DRAXIN: variants seen among roughly 807,000 people sequenced by gnomAD.
DRAXIN encodes dorsal inhibitory axon guidance protein.
DRAXIN carries 27 observed loss-of-function variants against 33.9 expected under a neutral mutation model. The observed-to-expected ratio is 0.80, with a 90% CI of 0.59 to 1.10. DRAXIN has a LOEUF of 1.10. Among genes scored for constraint, DRAXIN ranks in the 50% least tolerant of loss-of-function variants. The pLI, the probability that DRAXIN is intolerant of heterozygous loss-of-function variation, is 0.00. For missense variants in DRAXIN, 371 were observed against 460.8 expected (o/e 0.81, Z 1.78); for synonymous variants, 178 against 194.0 (o/e 0.92, Z 0.69).
Position 11,706,180 on chromosome 1 carries a change from A to T in DRAXIN, c.-10-69A>T. 1 of 1,381,836 alleles carries T rather than the reference A, an allele frequency of 7.2e-7. No individual in the cohort carries two copies. Among genetic ancestry groups the T allele is most frequent in the Non-Finnish European group, 9.6e-7 (1 of 1,039,330 alleles). 85.6% of individuals were successfully genotyped at this position (1,381,836 alleles called of 1,614,324 possible). ...TGGCTGTTGAGAAAAACTGGGCTTT[A>T]ATCATTTGAGTGAGGGGCAGCAGAG... On this transcript the variant is annotated intron_variant, in intron 1 of 6. Transcript: ENST00000294485. This position sits in a 1 kb window ranked among gnomAD's most constrained non-coding sequence, Gnocchi z 5.5.
chr1:11,722,830 T>C lies in DRAXIN; in HGVS notation c.*3134T>C, dbSNP rs1358425314. ...TCACAAAATATTATTCTCTCTTTCC[T>C]TTTTTTTTTTTTTGGAGATGGAGTT... On this transcript the variant is annotated 3_prime_UTR_variant, in exon 7 of 7. Coordinates refer to ENST00000294485, the MANE Select transcript of DRAXIN (RefSeq NM_198545.4). 2 of 150,192 alleles carry C rather than the reference T, an allele frequency of 1.3e-5. No homozygotes were observed. Among genetic ancestry groups the C allele is most frequent in the Non-Finnish European group, 3.0e-5 (2 of 67,296 alleles). The allele number at this position is 150,192 out of a possible 1,614,324, so 9.3% of individuals were successfully genotyped here. A position where few individuals can be genotyped will look rare whatever the true frequency, so the allele number is the denominator to read the frequency against.
In DRAXIN at chr1:11,699,902, G is replaced by A. The variant is rs892281643; in HGVS notation, c.-10-6347G>A. Among the ~76,000 whole-genome samples the A allele has an allele frequency of 1.2e-4, 18 of 151,412 alleles. No individual in the cohort carries two copies. In the Admixed American group the frequency reaches 1.2e-3, roughly 10 times the overall value. ...AGATGGCGCCACTGCACTCCAGCCC[G>A]GGTGACACAGCGAGACTCACTCTCA... On this transcript the variant is annotated intron_variant, in intron 1 of 6. Coordinates refer to ENST00000294485, the MANE Select transcript of DRAXIN (RefSeq NM_198545.4).
At chr1:11,693,968 T>TG (rs1641150250) in intron 1 of DRAXIN, among the ~76,000 whole-genome samples, 1 of 152,164 alleles carries the variant, frequency 6.6e-6, no homozygotes, top group Non-Finnish European at 1.5e-5. Flanking sequence ...ACTGACCATC[T>TG]CCACAGTCTG....
chr1:11,703,157 C>A (rs1052511368), intron 1 of DRAXIN, among the ~76,000 whole-genome samples: 1 of 152,254 alleles, frequency 6.6e-6, no homozygotes, highest in African/African-American at 2.4e-5. Context: ...GTGCAGAGTC[C>A]TTTATGAGCT....
At chr1:11,689,819 A>C (rs1328141939), upstream of DRAXIN, among the ~76,000 whole-genome samples, 4 of 151,954 alleles carry the variant, frequency 2.6e-5, no homozygotes, top group African/African-American at 9.7e-5. Flanking sequence ...CCCTCTCCTG[A>C]GGTCTGGGTC....
intron 5 of DRAXIN, among the ~76,000 whole-genome samples, chr1:11,713,735 T>A (rs1641533275): frequency 6.6e-6 from 1 of 152,000 alleles, no homozygotes; most frequent in South Asian, 2.1e-4. Flanking sequence ...AAAATAGTAA[T>A]AATTTAAAAA....
chr1:11,705,435 C>T lies in DRAXIN; in HGVS notation c.-10-814C>T, dbSNP rs2100736172. 6.6e-6 allele frequency among the ~76,000 whole-genome samples: 1 copy of T among 152,210 alleles called. No individual in the cohort carries two copies. The highest frequency in any genetic ancestry group is 2.4e-5 in the African/African-American group (1 of 41,530). On this transcript the variant is annotated intron_variant, in intron 1 of 6. Coordinates refer to ENST00000294485, the MANE Select transcript of DRAXIN (RefSeq NM_198545.4). The surrounding 1 kb of genome is among the most constrained non-coding windows in gnomAD (Gnocchi z 4.8). ...GCTAGGTCGGGTTGGCTCAGTCTACCCTGCAGGGGTCAGAGCCAAGTCTGC... is the reference window on the plus strand; with the variant it reads ...GCTAGGTCGGGTTGGCTCAGTCTACTCTGCAGGGGTCAGAGCCAAGTCTGC...
intron 3 of DRAXIN, among the ~76,000 whole-genome samples, chr1:11,709,987 C>A (rs909409101): frequency 2.0e-5 from 3 of 151,924 alleles, no homozygotes; most frequent in Non-Finnish European, 4.4e-5. Flanking sequence ...GAGTTCGAGA[C>A]CAGCCTGGCC....
In DRAXIN at chr1:11,709,500, G is replaced by T. The variant is rs745601625; in HGVS notation, c.642+35G>T. On this transcript the variant is annotated intron_variant, in intron 3 of 6. Coordinates refer to ENST00000294485, the MANE Select transcript of DRAXIN (RefSeq NM_198545.4). Reference sequence around the variant, plus strand: ...CCCCAAACAGCCTCGGATCTGGAAGGGTCCTTGAGCCCATGTCATGGAAAG... The same window carrying T: ...CCCCAAACAGCCTCGGATCTGGAAGTGTCCTTGAGCCCATGTCATGGAAAG... 24 of 1,588,278 alleles carry T rather than the reference G, an allele frequency of 1.5e-5. No homozygotes were observed. The African/African-American group carries it at 3.0e-4, about 20-fold the overall frequency.
chr1:11,715,054 G>C (rs1166749329), intron 5 of DRAXIN, 65 bp from the exon 6 acceptor site: 4 of 1,573,636 alleles, frequency 2.5e-6, no homozygotes, highest in African/African-American at 2.7e-5. Flanking sequence ...CAGTGGGACC[G>C]AGTGCAGGGC....
At chr1:11,700,836 T>A (rs566500720) in intron 1 of DRAXIN, among the ~76,000 whole-genome samples, 1 of 152,224 alleles carries the variant, frequency 6.6e-6, no homozygotes, top group African/African-American at 2.4e-5. Context: ...CCCAACCCAC[T>A]ATGCAACAGG....
chr1:11,711,745 A>G (rs1641498246), intron 3 of DRAXIN, 106 bp from the exon 4 acceptor site: 1 of 1,000,138 alleles, frequency 1.0e-6, no homozygotes, highest in Non-Finnish European at 1.5e-6. Flanking sequence ...GCAGAGGATA[A>G]GGTGGCCTCT....
chr1:11,689,575 G>T (rs1232122557), upstream of DRAXIN, among the ~76,000 whole-genome samples: 1 of 152,000 alleles, frequency 6.6e-6, no homozygotes, highest in African/African-American at 2.4e-5. Context: ...CAGCCTGGGT[G>T]AGAGCAAGAC....
rs371982011 is a variant in DRAXIN at position 11,711,908 on chromosome 1, G to A, written c.700G>A (p.Asp234Asn). The A allele has an allele frequency of 3.0e-5, 48 of 1,613,796 alleles. No individual in the cohort carries two copies. Among genetic ancestry groups the A allele is most frequent in the Middle Eastern group, 1.6e-4 (1 of 6,082 alleles). The change falls in exon 4 of 7, where the codon GAC becomes AAC. Residue 234 changes from aspartate (D) to asparagine (N), a missense_variant. Asp to Asn is a conservative substitution (Grantham distance 23, BLOSUM62 1). Coordinates refer to ENST00000294485, the MANE Select transcript of DRAXIN (RefSeq NM_198545.4). ...GCCCACGCTGGACATGGCCTTGTTC[G>A]ACTGGACCGATTATGAAGACTTAAA... Reference protein sequence around the residue: ...VMPTLDMALFDWTDYEDLKPD... With the variant: ...VMPTLDMALFNWTDYEDLKPD...
At chr1:11,695,459 G>A (rs954376818) in intron 1 of DRAXIN, among the ~76,000 whole-genome samples, 2 of 151,812 alleles carry the variant, frequency 1.3e-5, no homozygotes, top group East Asian at 1.9e-4. Context: ...TGTGGTGCAC[G>A]CCTATAATCC....
Position 11,709,383 on chromosome 1 carries a change from C to G in DRAXIN, c.560C>G (p.Thr187Ser), listed in dbSNP as rs1347162288. The change falls in exon 3 of 7, where the codon ACC becomes AGC. Residue 187 changes from threonine to serine, a missense_variant. By Grantham distance (58) the Thr-to-Ser change is moderately conservative. Coordinates refer to ENST00000294485, the MANE Select transcript of DRAXIN (RefSeq NM_198545.4). Reference sequence around the variant, plus strand: ...GAATCCTCCACCAGCCTGGCGCCCACCATGTTCTTTCTCACCACCTTTGAG... The same window carrying G: ...GAATCCTCCACCAGCCTGGCGCCCAGCATGTTCTTTCTCACCACCTTTGAG... ...MEESSTSLAP[T>S]MFFLTTFEAA... The G allele has an allele frequency of 6.2e-7, 1 of 1,613,874 alleles. No homozygotes were observed. The highest frequency in any genetic ancestry group is 8.5e-7 in the Non-Finnish European group (1 of 1,179,964).
At chr1:11,701,389 A>C (rs1641271896) in intron 1 of DRAXIN, among the ~76,000 whole-genome samples, 1 of 152,182 alleles carries the variant, frequency 6.6e-6, no homozygotes, top group Non-Finnish European at 1.5e-5. Context: ...CGTCATTTTA[A>C]AACCATGGAA....
Position 11,706,346 on chromosome 1 carries a change from C to G in DRAXIN, c.88C>G (p.Pro30Ala). ...LELSLAGALA[P>A]GTPARNLPEN... ...GCTGAGCCTGGCAGGCGCCCTTGCA[C>G]CTGGGACCCCTGCCCGGAACCTCCC... is the stretch of plus-strand genomic sequence containing the variant. Residue 30 changes from proline (P) to alanine (A), a missense_variant, in exon 2 of 7, where the codon CCT becomes GCT. Coordinates refer to ENST00000294485, the MANE Select transcript of DRAXIN (RefSeq NM_198545.4). This position sits in a 1 kb window ranked among gnomAD's most constrained non-coding sequence, Gnocchi z 5.5. 4 of 1,613,934 alleles carry G rather than the reference C, an allele frequency of 2.5e-6. No individual in the cohort carries two copies. The highest frequency in any genetic ancestry group is 3.4e-6 in the Non-Finnish European group (4 of 1,180,026).
intron 5 of DRAXIN, among the ~76,000 whole-genome samples, chr1:11,713,972 C>T (rs972846270): frequency 1.3e-5 from 2 of 152,076 alleles, no homozygotes; most frequent in Non-Finnish European, 2.9e-5. Context: ...GTGGAGGTTG[C>T]AGTGACCCGA....
Sources: gnomAD v4.1 joint callset for allele counts (sites outside exome capture counted in the v4.1 genomes callset) on GRCh38, gnomAD v4.1.1 for gene constraint, Gnocchi (gnomAD v3.1) non-coding constraint, MANE v1.5 for transcripts, NCBI Gene and HGNC (gene_info 2026-07-23, HGNC 2026-07-21) for gene names.